The following IRS1 variants were observed in gnomAD, a reference collection of about 807,000 sequenced individuals.
IRS1 encodes insulin receptor substrate 1.
In IRS1, 34 loss-of-function variants were observed where a neutral mutation model predicts 65.6. The ratio of observed to expected loss-of-function variants is 0.52; its 90% CI spans 0.39 to 0.69. IRS1 has a LOEUF of 0.69. Ranked by LOEUF, IRS1 falls within the 30% of genes least tolerant of loss-of-function variation. The pLI is 0.00. For missense variants in IRS1, 1,641 were observed against 1,720.2 expected (o/e 0.95, Z 0.81); for synonymous variants, 699 against 683.5 (o/e 1.02, Z -0.35).
At chr2:226,736,485 A>G (rs1231711380) in intron 1 of IRS1, among the ~76,000 whole-genome samples, 1 of 152,240 alleles carries the variant, frequency 6.6e-6, no homozygotes, top group Non-Finnish European at 1.5e-5. Context: ...CTGTAAACAA[A>G]TCAACATGAT....
intron 1 of IRS1, among the ~76,000 whole-genome samples, chr2:226,769,499 G>A (rs552394162): frequency 2.6e-5 from 4 of 152,316 alleles, no homozygotes; most frequent in Non-Finnish European, 4.4e-5. Flanking sequence ...GAGCCATTTC[G>A]AGGCTGTCCT....
At chr2:226,736,907 G>A (rs1476851898) in intron 1 of IRS1, among the ~76,000 whole-genome samples, 6 of 152,136 alleles carry the variant, frequency 3.9e-5, no homozygotes, top group South Asian at 4.2e-4. Flanking sequence ...GTCACTATCC[G>A]TGATTCCCCT....
chr2:226,799,794 T>A lies in IRS1; in HGVS notation c.-1056A>T. 1.0e-6 allele frequency: 1 copy of A among 991,068 alleles called. No homozygotes were observed. Among genetic ancestry groups the A allele is most frequent in the Non-Finnish European group, 1.2e-6 (1 of 829,744 alleles). The allele number at this position is 991,068 out of a possible 1,614,324, so 61.4% of individuals were successfully genotyped here. A position where few individuals can be genotyped will look rare whatever the true frequency, so the allele number is the denominator to read the frequency against. ...GAGGAGAAAAACACGTGACGGAGCC[T>A]CCGCGCTCGGCAGCCGGGCAGCCGC... On this transcript the variant is annotated 5_prime_UTR_variant, in exon 1 of 2. Transcript: ENST00000305123. The surrounding 1 kb of genome is among the most constrained non-coding windows in gnomAD (Gnocchi z 6.1).
In IRS1 at chr2:226,799,782, C is replaced by G. The variant is rs1410440445; in HGVS notation, c.-1044G>C. 1.0e-6 allele frequency: 1 copy of G among 994,398 alleles called. No individual in the cohort carries two copies. Among genetic ancestry groups the G allele is most frequent in the Non-Finnish European group, 1.2e-6 (1 of 829,956 alleles). 61.6% of individuals were successfully genotyped at this position (994,398 alleles called of 1,614,324 possible). A position where few individuals can be genotyped will look rare whatever the true frequency, so the allele number is the denominator to read the frequency against. ...CCGTCTCACTCGGAGGAGAAAAACA[C>G]GTGACGGAGCCTCCGCGCTCGGCAG... On this transcript the variant is annotated 5_prime_UTR_variant, in exon 1 of 2. Coordinates refer to ENST00000305123, the MANE Select transcript of IRS1 (RefSeq NM_005544.3). This position sits in a 1 kb window ranked among gnomAD's most constrained non-coding sequence, Gnocchi z 6.1.
intron 1 of IRS1, among the ~76,000 whole-genome samples, chr2:226,777,936 T>C (rs1261609448): frequency 6.6e-6 from 1 of 152,194 alleles, no homozygotes; most frequent in African/African-American, 2.4e-5. Context: ...ATATATGTTG[T>C]ATTTGAAACC....
chr2:226,751,315 G>A (rs373907031), intron 1 of IRS1, among the ~76,000 whole-genome samples: 2 of 116,672 alleles, frequency 1.7e-5, no homozygotes, highest in Non-Finnish European at 3.2e-5. Flanking sequence ...ACAGAGTCTC[G>A]CTTTGTCGCC....
intron 1 of IRS1, among the ~76,000 whole-genome samples, chr2:226,786,352 T>G (rs1397332701): frequency 6.6e-6 from 1 of 152,102 alleles, no homozygotes. Flanking sequence ...TGTGTCCTTT[T>G]TTTTCCCTTT....
At chr2:226,763,185 C>T (rs948632337) in intron 1 of IRS1, among the ~76,000 whole-genome samples, 1 of 152,152 alleles carries the variant, frequency 6.6e-6, no homozygotes, top group Non-Finnish European at 1.5e-5. Flanking sequence ...TTGCTGAAGG[C>T]CTTGTACTGC....
intron 1 of IRS1, among the ~76,000 whole-genome samples, chr2:226,773,106 G>A (rs1162169287): frequency 6.6e-6 from 1 of 152,160 alleles, no homozygotes; most frequent in Admixed American, 6.5e-5. Context: ...TGTAGCTAAT[G>A]ACCTATGTAA....
At chr2:226,768,415 C>T (rs1407909144) in intron 1 of IRS1, among the ~76,000 whole-genome samples, 2 of 152,108 alleles carry the variant, frequency 1.3e-5, no homozygotes, top group Non-Finnish European at 2.9e-5. Flanking sequence ...AATGAATGGA[C>T]ATATACTTGT....
chr2:226,799,518 A>G lies in IRS1; in HGVS notation c.-780T>C, dbSNP rs913543673. 9.0e-7 allele frequency: 1 copy of G among 1,112,400 alleles called. No homozygotes were observed. Among genetic ancestry groups the G allele is most frequent in the Non-Finnish European group, 1.1e-6 (1 of 893,748 alleles). 68.9% of individuals were successfully genotyped at this position (1,112,400 alleles called of 1,614,324 possible). On this transcript the variant is annotated 5_prime_UTR_variant, in exon 1 of 2. Transcript: ENST00000305123. This position sits in a 1 kb window ranked among gnomAD's most constrained non-coding sequence, Gnocchi z 6.1. Reference sequence around the variant, plus strand: ...AGCTGGGGACCGGCCGGAGGGACAGACTCATCCCTGCCCCTCGCTCCAGGC... The same window carrying G: ...AGCTGGGGACCGGCCGGAGGGACAGGCTCATCCCTGCCCCTCGCTCCAGGC...
intron 1 of IRS1, among the ~76,000 whole-genome samples, chr2:226,768,300 C>T (rs762469783): frequency 3.3e-5 from 5 of 152,160 alleles, no homozygotes; most frequent in Non-Finnish European, 5.9e-5. Flanking sequence ...AAAAACTCCA[C>T]GAACACAGAA....
intron 1 of IRS1, among the ~76,000 whole-genome samples, chr2:226,785,467 G>A (rs1375552912): frequency 1.3e-5 from 2 of 152,164 alleles, no homozygotes; most frequent in Admixed American, 1.3e-4. Context: ...GCCAGGTGTG[G>A]TGGCGCACGC....
chr2:226,798,628 C>A lies in IRS1; in HGVS notation c.111G>T (p.Glu37Asp), dbSNP rs1939811520. The change falls in exon 1 of 2, where the codon GAG becomes GAT. Residue 37 changes from glutamate to aspartate, a missense_variant. Coordinates refer to ENST00000305123, the MANE Select transcript of IRS1 (RefSeq NM_005544.3). The surrounding 1 kb of genome is among the most constrained non-coding windows in gnomAD (Gnocchi z 9.4). Reference protein sequence around the residue: ...KRFFVLRAASEAGGPARLEYY... With the variant: ...KRFFVLRAASDAGGPARLEYY... ...ACTCGAGGCGCGCCGGGCCCCCAGC[C>A]TCGCTGGCCGCGCGCAGTACGAAGA... is the stretch of plus-strand genomic sequence containing the variant. 5.0e-6 allele frequency: 8 copies of A among 1,612,980 alleles called. No homozygotes were observed. The highest frequency in any genetic ancestry group is 3.3e-5 in the Admixed American group (2 of 59,996).
rs548956412 is a variant in IRS1, at chr2:226,795,099, C to T, written c.3640G>A (p.Gly1214Ser). Residue 1214 changes from glycine (G) to serine (S), a missense_variant, in exon 1 of 2, where the codon GGT becomes AGT. Coordinates refer to ENST00000305123, the MANE Select transcript of IRS1 (RefSeq NM_005544.3). ...GAGCGGCGGGTGGAGCTGCTCTCACCGCTGCCCAGGGGTTGATGAGGGGGT... is the reference window on the plus strand; with the variant it reads ...GAGCGGCGGGTGGAGCTGCTCTCACTGCTGCCCAGGGGTTGATGAGGGGGT... Reference protein sequence around the residue: ...PPPPHQPLGSGESSSTRRSSE... With the variant: ...PPPPHQPLGSSESSSTRRSSE... 51 of 1,197,810 alleles carry T rather than the reference C, an allele frequency of 4.3e-5. No individual in the cohort carries two copies. The highest frequency in any genetic ancestry group is 3.8e-4 in the African/African-American group (22 of 57,722). 74.2% of individuals were successfully genotyped at this position (1,197,810 alleles called of 1,614,324 possible). A position where few individuals can be genotyped will look rare whatever the true frequency, so the allele number is the denominator to read the frequency against.
At chr2:226,791,291 G>A (rs971821310) in intron 1 of IRS1, among the ~76,000 whole-genome samples, 1 of 152,108 alleles carries the variant, frequency 6.6e-6, no homozygotes, top group African/African-American at 2.4e-5. Context: ...CCGCAGCCAC[G>A]TGCGGGACTC....
At chr2:226,758,184 G>A (rs1381270067) in intron 1 of IRS1, among the ~76,000 whole-genome samples, 1 of 152,190 alleles carries the variant, frequency 6.6e-6, no homozygotes, top group Non-Finnish European at 1.5e-5. Context: ...CAGGACTCAT[G>A]TATGAAGGTT....
chr2:226,795,554 C>A lies in IRS1; in HGVS notation c.3185G>T (p.Gly1062Val). 1 of 1,612,938 alleles carries A rather than the reference C, an allele frequency of 6.2e-7. No homozygotes were observed. Among genetic ancestry groups the A allele is most frequent in the Non-Finnish European group, 8.5e-7 (1 of 1,179,952 alleles). ...GCTCATGCCCCCAGGTCCTTGTGGG[C>A]CCCCCAGCAGGGACGAGTGGGCAGC... ...ELAAHSSLLGGPQGPGGMSAF... is the reference protein window; with the variant it reads ...ELAAHSSLLGVPQGPGGMSAF... Residue 1062 changes from glycine to valine, a missense_variant, in exon 1 of 2, where the codon GGC (glycine) becomes GTC (valine). Around this residue, in one of 3 missense-constraint regions of IRS1, gnomAD observed 1,324 missense variants for 1,361.0 expected, o/e 0.97. Coordinates refer to ENST00000305123, the MANE Select transcript of IRS1 (RefSeq NM_005544.3).
At chr2:226,755,371 G>A (rs1429566081) in intron 1 of IRS1, among the ~76,000 whole-genome samples, 3 of 152,122 alleles carry the variant, frequency 2.0e-5, no homozygotes, top group Non-Finnish European at 4.4e-5. Context: ...TTGAGAAGGG[G>A]AAAACAATGA....
Sources: gnomAD v4.1 joint callset for allele counts (sites outside exome capture counted in the v4.1 genomes callset) on GRCh38, gnomAD v4.1.1 for gene constraint, gnomAD v4.1.1 regional missense constraint, Gnocchi (gnomAD v3.1) non-coding constraint, MANE v1.5 for transcripts, NCBI Gene and HGNC (gene_info 2026-07-23, HGNC 2026-07-21) for gene names.